Variants in ZC3H3 observed in about 807,000 individuals in gnomAD.
ZC3H3 encodes the protein zinc finger CCCH domain-containing protein 3.
ZC3H3 carries 36 observed loss-of-function variants against 77.3 expected under a neutral mutation model. That is an observed-to-expected ratio of 0.47 (90% CI 0.36 to 0.61). The LOEUF (loss-of-function observed/expected upper bound fraction) is 0.61, where lower values mean the gene tolerates loss of function less well. ZC3H3 is among the 20% of genes least tolerant of loss of function. The probability of loss-of-function intolerance (pLI) is 0.00; values close to 1 mark genes in which losing one functional copy is unlikely to be tolerated. For synonymous variants in ZC3H3, 626 were observed against 555.2 expected (o/e 1.13, Z -1.79); for missense variants, 1,331 against 1,312.2 (o/e 1.01, Z -0.22).
chr8:143,484,128 C>A (rs374832751), intron 4 of ZC3H3, among the ~76,000 whole-genome samples: 1 of 152,208 alleles, frequency 6.6e-6, no homozygotes, highest in Non-Finnish European at 1.5e-5. Context: ...GCCTTGAGTG[C>A]GACTGGTCCA....
Position 143,457,612 on chromosome 8 carries a change from G to A in ZC3H3, c.2307+8105C>T, listed in dbSNP as rs1398711856. 3.3e-5 allele frequency among the ~76,000 whole-genome samples: 5 copies of A among 152,100 alleles called. No homozygotes were observed. In the East Asian group the frequency reaches 9.6e-4, roughly 29 times the overall value. On this transcript the variant is annotated intron_variant, in intron 9 of 11. Coordinates refer to ENST00000262577, the MANE Select transcript of ZC3H3 (RefSeq NM_015117.3). ...CCAGGTGTGGTAGCAGGGACCTGTA[G>A]TCTCAGCTACTTGGGAGGCTGAGGT...
chr8:143,442,166 A>G (rs1048086251), intron 9 of ZC3H3, among the ~76,000 whole-genome samples: 82 of 151,362 alleles, frequency 5.4e-4, no homozygotes, highest in Non-Finnish European at 4.3e-4. Flanking sequence ...CGGGCCCTAC[A>G]CTGTACCCCA....
rs1463235641 is a variant in ZC3H3 at position 143,460,058 on chromosome 8, C to CA, written c.2307+5658_2307+5659insT. Among the ~76,000 whole-genome samples, 61 of 151,874 alleles carry CA rather than the reference C, an allele frequency of 4.0e-4. No individual in the cohort carries two copies. The highest frequency in any genetic ancestry group is 1.4e-3 in the African/African-American group (57 of 41,298). ...GGTCACGAGTTTGAGACCAGCCTGGCCCCATGGTGTGACCCTGTCTCTACT... is the reference window on the plus strand; with the variant it reads ...GGTCACGAGTTTGAGACCAGCCTGGCACCCATGGTGTGACCCTGTCTCTACT... On this transcript the variant is annotated intron_variant, in intron 9 of 11. Coordinates refer to ENST00000262577, the MANE Select transcript of ZC3H3 (RefSeq NM_015117.3). This position sits in a 1 kb window ranked among gnomAD's most constrained non-coding sequence, Gnocchi z 4.0.
chr8:143,457,645 C>T (rs1392103487), intron 9 of ZC3H3, among the ~76,000 whole-genome samples: 4 of 152,032 alleles, frequency 2.6e-5, no homozygotes, highest in Admixed American at 1.3e-4. Flanking sequence ...GGTGGGAAGC[C>T]TGCTTGAGGC....
chr8:143,486,422 T>C (rs1260755838), intron 4 of ZC3H3, among the ~76,000 whole-genome samples: 3 of 152,212 alleles, frequency 2.0e-5, no homozygotes. Context: ...CCCGTGGCTT[T>C]TCCTCTGGGC....
chr8:143,468,122 A>G, intron 8 of ZC3H3, 87 bp downstream of exon 8: 1 of 1,486,248 alleles, frequency 6.7e-7, no homozygotes, highest in Non-Finnish European at 9.2e-7. Context: ...ACCCAGAGAA[A>G]GCTGTGGGCA....
chr8:143,473,052 G>A (rs746640497), intron 5 of ZC3H3, among the ~76,000 whole-genome samples: 4 of 152,202 alleles, frequency 2.6e-5, no homozygotes, highest in South Asian at 2.1e-4. Context: ...TGGCCGCCTG[G>A]GGCTCTCGCG....
chr8:143,465,807 G>A lies in ZC3H3; in HGVS notation c.2217C>T (p.Asn739=), dbSNP rs555535659. 14 of 1,613,550 alleles carry A rather than the reference G, an allele frequency of 8.7e-6. No individual in the cohort carries two copies. The African/African-American group carries it at 1.2e-4, about 14-fold the overall frequency. ...ACACGTGGCTATAGGGACAGTTGCT[G>A]TTGCTGCAGATGCCCTTCAGGAAGT... ...CSYFLKGICS[N]SNCPYSHVYV... is the part of the protein sequence containing the mutation. The change falls in exon 9 of 12, where the codon AAC becomes AAT. Residue 739 remains asparagine (N), a synonymous_variant. Coordinates refer to ENST00000262577, the MANE Select transcript of ZC3H3 (RefSeq NM_015117.3).
At chr8:143,476,572 G>A (rs1028753333) in intron 4 of ZC3H3, among the ~76,000 whole-genome samples, 5 of 152,076 alleles carry the variant, frequency 3.3e-5, no homozygotes, top group Non-Finnish European at 7.4e-5. Flanking sequence ...CCCCCAAGGT[G>A]GGGGGCTCAG....
At chr8:143,498,902 C>CGGAGGGGCACAGGGCGGGGT (rs1821439334) in intron 4 of ZC3H3, among the ~76,000 whole-genome samples, 2 of 31,236 alleles carry the variant, frequency 6.4e-5, no homozygotes, top group African/African-American at 2.2e-4. Flanking sequence ...CAGGGCGGGG[C>CGGAGGGGCACAGGGCGGGGT]GGAGGGGCAC....
intron 3 of ZC3H3, among the ~76,000 whole-genome samples, chr8:143,522,439 C>T (rs1055303751): frequency 6.6e-6 from 1 of 152,066 alleles, no homozygotes; most frequent in Non-Finnish European, 1.5e-5. Context: ...CCCATCTCTA[C>T]CAAAAACATA....
At chr8:143,474,690 T>C (rs900625372) in intron 5 of ZC3H3, among the ~76,000 whole-genome samples, 3 of 152,196 alleles carry the variant, frequency 2.0e-5, no homozygotes, top group Non-Finnish European at 2.9e-5. Context: ...GCCCAGCCTC[T>C]GCAATCCCAA....
chr8:143,534,897 A>C (rs1228134865), intron 3 of ZC3H3, among the ~76,000 whole-genome samples: 1 of 151,884 alleles, frequency 6.6e-6, no homozygotes, highest in Non-Finnish European at 1.5e-5. Flanking sequence ...CTGTGCTGCA[A>C]CACCCGGCTG....
chr8:143,489,359 G>A lies in ZC3H3; in HGVS notation c.1716-13774C>T, dbSNP rs183636770. ...AGAAGCTGGGTAGGGTGGGGTGGGG[G>A]AGTCCTGGAGGACAAGCAGCCAATG... is the stretch of plus-strand genomic sequence containing the variant. On this transcript the variant is annotated intron_variant, in intron 4 of 11. Coordinates refer to ENST00000262577, the MANE Select transcript of ZC3H3 (RefSeq NM_015117.3). 5.0e-3 allele frequency among the ~76,000 whole-genome samples: 755 copies of A among 152,290 alleles called. 2 individuals carry two copies. Among genetic ancestry groups the A allele is most frequent in the Middle Eastern group, 0.02 (6 of 294 alleles).
chr8:143,506,163 G>A lies in ZC3H3; in HGVS notation c.1715+1583C>T, dbSNP rs111385805. Among the ~76,000 whole-genome samples, 1,302 of 152,318 alleles carry A rather than the reference G, an allele frequency of 8.5e-3. 17 individuals carry two copies. The highest frequency in any genetic ancestry group is 0.03 in the African/African-American group (1,233 of 41,558). ...CCCAGCTACAGGAACCAGACCAGCC[G>A]GACCCAAACCAGACGCCTTCTTGGC... On this transcript the variant is annotated intron_variant, in intron 4 of 11. Coordinates refer to ENST00000262577, the MANE Select transcript of ZC3H3 (RefSeq NM_015117.3).
intron 9 of ZC3H3, among the ~76,000 whole-genome samples, chr8:143,457,697 T>A (rs935337713): frequency 3.9e-5 from 6 of 152,054 alleles, no homozygotes; most frequent in African/African-American, 9.7e-5. Flanking sequence ...CAAGACCCTG[T>A]CTTACAGAAA....
intron 9 of ZC3H3, among the ~76,000 whole-genome samples, chr8:143,454,932 A>C (rs1445066379): frequency 1.3e-5 from 2 of 152,192 alleles, no homozygotes; most frequent in Non-Finnish European, 2.9e-5. Context: ...AATGGCCCCA[A>C]AGTGCAACAG....
intron 9 of ZC3H3, among the ~76,000 whole-genome samples, chr8:143,448,892 C>A (rs1819923462): frequency 6.6e-6 from 1 of 152,264 alleles, no homozygotes; most frequent in Non-Finnish European, 1.5e-5. Flanking sequence ...CAGGCAGAGG[C>A]TCCTGAACCA....
At chr8:143,512,160 G>A (rs1029249614) in intron 3 of ZC3H3, among the ~76,000 whole-genome samples, 5 of 152,228 alleles carry the variant, frequency 3.3e-5, no homozygotes, top group East Asian at 1.9e-4. Flanking sequence ...GCAGGGAAGG[G>A]GCTAGTCCAG....
Sources: allele counts gnomAD v4.1 joint callset (sites outside exome capture counted in the v4.1 genomes callset), GRCh38; gene constraint gnomAD v4.1.1; non-coding constraint Gnocchi (gnomAD v3.1); transcripts MANE v1.5; gene names NCBI Gene and HGNC (gene_info 2026-07-23, HGNC 2026-07-21).